OPCML: variants seen among roughly 807,000 people sequenced by gnomAD.
OPCML encodes the protein opioid-binding protein/cell adhesion molecule.
A neutral mutation model predicts 37.8 loss-of-function variants in OPCML; 13 were observed. The ratio of observed to expected loss-of-function variants is 0.34; its 90% CI spans 0.22 to 0.55. OPCML has a LOEUF of 0.55. Ranked by LOEUF, OPCML falls within the 20% of genes least tolerant of loss-of-function variation. The probability of loss-of-function intolerance (pLI) is 0.91; values close to 1 mark genes in which losing one functional copy is unlikely to be tolerated. For missense variants in OPCML, 341 were observed against 435.6 expected, an observed-to-expected ratio of 0.78 and a Z score of 1.93; for synonymous variants, 176 against 168.8, an observed-to-expected ratio of 1.04 and a Z score of -0.33.
intron 1 of OPCML, among the ~76,000 whole-genome samples, chr11:133,279,627 C>T (rs767582427): frequency 8.5e-5 from 13 of 152,160 alleles, no homozygotes; most frequent in Admixed American, 3.9e-4. Context: ...CTTCCTCTCA[C>T]CACCTCCACC....
intron 3 of OPCML, among the ~76,000 whole-genome samples, chr11:132,637,196 G>A (rs1940559037): frequency 1.3e-5 from 2 of 151,244 alleles, no homozygotes; most frequent in Admixed American, 1.3e-4. Flanking sequence ...CTTTCTGGGT[G>A]AAAATATCAG....
intron 2 of OPCML, among the ~76,000 whole-genome samples, chr11:132,901,204 A>T (rs1048592595): frequency 3.3e-5 from 5 of 152,118 alleles, no homozygotes; most frequent in Non-Finnish European, 7.4e-5. Context: ...AATAAATAAT[A>T]AATAATAAAT....
chr11:133,272,702 G>A (rs556031455), intron 1 of OPCML, among the ~76,000 whole-genome samples: 1 of 152,214 alleles, frequency 6.6e-6, no homozygotes, highest in Non-Finnish European at 1.5e-5. Context: ...TGTGTGCTGA[G>A]AATACATCTT....
intron 1 of OPCML, among the ~76,000 whole-genome samples, chr11:133,381,628 C>T (rs1397543969): frequency 6.6e-6 from 1 of 152,090 alleles, no homozygotes; most frequent in African/African-American, 2.4e-5. Context: ...GGAGAAAGAA[C>T]TTCAGGGGAT....
intron 1 of OPCML, among the ~76,000 whole-genome samples, chr11:132,998,016 C>T (rs890873426): frequency 2.6e-5 from 4 of 152,086 alleles, no homozygotes; most frequent in Non-Finnish European, 4.4e-5. Flanking sequence ...TCTTGCTAAC[C>T]TGTCATATGC....
At chr11:133,003,081 G>A (rs1269445662) in intron 1 of OPCML, among the ~76,000 whole-genome samples, 1 of 152,138 alleles carries the variant, frequency 6.6e-6, no homozygotes, top group African/African-American at 2.4e-5. Context: ...GAAAAACACA[G>A]CAGAAAACTT....
At chr11:132,678,732 G>T (rs75369442) in intron 2 of OPCML, among the ~76,000 whole-genome samples, 6 of 152,186 alleles carry the variant, frequency 3.9e-5, no homozygotes, top group Non-Finnish European at 8.8e-5. Flanking sequence ...TTGGGCGAGG[G>T]AGAGGTGAAC....
intron 4 of OPCML, among the ~76,000 whole-genome samples, chr11:132,524,654 T>A (rs1402559942): frequency 1.3e-5 from 2 of 152,194 alleles, no homozygotes; most frequent in Admixed American, 6.5e-5. Context: ...AACATCCAGC[T>A]TTCCTCAAAA....
intron 1 of OPCML, among the ~76,000 whole-genome samples, chr11:133,028,158 G>C (rs1235129829): frequency 1.3e-5 from 2 of 151,684 alleles, no homozygotes; most frequent in Non-Finnish European, 2.9e-5. Flanking sequence ...TCTGCCACTT[G>C]TCCCTCTGCA....
intron 1 of OPCML, among the ~76,000 whole-genome samples, chr11:133,441,211 G>T (rs757066568): frequency 6.6e-5 from 10 of 151,726 alleles, no homozygotes; most frequent in Admixed American, 2.6e-4. Flanking sequence ...ACAGTAAAGT[G>T]CATTTGGAGA....
intron 1 of OPCML, among the ~76,000 whole-genome samples, chr11:133,364,424 C>T (rs763240141): frequency 2.2e-4 from 34 of 152,168 alleles, no homozygotes; most frequent in African/African-American, 7.7e-4. Flanking sequence ...TCAAATATTT[C>T]CTATTGTTCT....
At chr11:132,665,386 A>G (rs930826429) in intron 2 of OPCML, among the ~76,000 whole-genome samples, 1 of 152,216 alleles carries the variant, frequency 6.6e-6, no homozygotes, top group African/African-American at 2.4e-5. Context: ...TGAGGGCTCT[A>G]CCTGAATGCA....
chr11:133,014,012 C>T (rs549337339), intron 1 of OPCML, among the ~76,000 whole-genome samples: 5 of 152,308 alleles, frequency 3.3e-5, no homozygotes, highest in South Asian at 2.1e-4. Flanking sequence ...CCACCACCAC[C>T]GCTAGGAAGA....
chr11:132,702,799 C>T (rs1943880591), intron 2 of OPCML, among the ~76,000 whole-genome samples: 1 of 151,488 alleles, frequency 6.6e-6, no homozygotes. Context: ...TTTGATCTTG[C>T]TGATTATTTC....
chr11:132,619,049 G>C (rs1252826157), intron 3 of OPCML, among the ~76,000 whole-genome samples: 1 of 151,794 alleles, frequency 6.6e-6, no homozygotes, highest in Non-Finnish European at 1.5e-5. Flanking sequence ...GGAAAGCATG[G>C]AAGCTCCTGC....
At chr11:133,011,526 G>A (rs1947213725) in intron 1 of OPCML, among the ~76,000 whole-genome samples, 1 of 151,976 alleles carries the variant, frequency 6.6e-6, no homozygotes, top group African/African-American at 2.4e-5. Context: ...CCAGAAGGCA[G>A]GACTATGCTC....
At chr11:133,488,279 GA>G (rs1242198392) in intron 1 of OPCML, among the ~76,000 whole-genome samples, 1 of 151,934 alleles carries the variant, frequency 6.6e-6, no homozygotes, top group African/African-American at 2.4e-5. Flanking sequence ...TCAGGCAAGA[GA>G]AAAAAATAAA....
chr11:132,743,339 T>C (rs1339563060), intron 2 of OPCML, among the ~76,000 whole-genome samples: 3 of 152,116 alleles, frequency 2.0e-5, no homozygotes, highest in Non-Finnish European at 2.9e-5. Flanking sequence ...CACTGGGATA[T>C]GTTGGAAACT....
At chr11:132,649,358 G>T (rs547924506) in intron 3 of OPCML, among the ~76,000 whole-genome samples, 1 of 152,124 alleles carries the variant, frequency 6.6e-6, no homozygotes, top group East Asian at 1.9e-4. Flanking sequence ...TAGGAGACGC[G>T]TGAAGGTCAA....
Sources: allele counts gnomAD v4.1 joint callset (sites outside exome capture counted in the v4.1 genomes callset), GRCh38; gene constraint gnomAD v4.1.1; transcripts MANE v1.5; gene names NCBI Gene and HGNC (gene_info 2026-07-23, HGNC 2026-07-21).